The following EPHA5 variants were observed in gnomAD, a reference collection of about 807,000 sequenced individuals.
EPHA5 encodes the protein ephrin type-A receptor 5.
EPHA5 carries 60 observed loss-of-function variants against 105.0 expected under a neutral mutation model. That is an observed-to-expected ratio of 0.57 (90% CI 0.46 to 0.71). EPHA5 has a LOEUF of 0.71. Ranked by LOEUF, EPHA5 falls within the 30% of genes least tolerant of loss-of-function variation. The probability of loss-of-function intolerance (pLI) is 0.00; values close to 1 mark genes in which losing one functional copy is unlikely to be tolerated. For synonymous variants in EPHA5, 513 were observed against 449.1 expected (o/e 1.14, Z -1.80); for missense variants, 1,218 against 1,274.7 (o/e 0.96, Z 0.68).
At chr4:65,642,314 A>G (rs1747738292) in intron 2 of EPHA5, among the ~76,000 whole-genome samples, 1 of 152,082 alleles carries the variant, frequency 6.6e-6, no homozygotes. Flanking sequence ...TGAGAGAAAG[A>G]GTGTGATGGT....
chr4:65,450,026 G>T (rs922824077), intron 5 of EPHA5, among the ~76,000 whole-genome samples: 5 of 152,122 alleles, frequency 3.3e-5, no homozygotes, highest in Non-Finnish European at 7.4e-5. Context: ...TCTAACAAAT[G>T]AATACAGGTA....
At position 65,670,347 on chromosome 4, in the gene EPHA5, A is replaced by C. The variant is rs1750349934; in HGVS notation, c.-605T>G. ...TGAGTGCTGAAGAGGGGAGGGACTGACGGCTGCCGGCCGGTAGGAGCGCGG... is the reference window on the plus strand; with the variant it reads ...TGAGTGCTGAAGAGGGGAGGGACTGCCGGCTGCCGGCCGGTAGGAGCGCGG... On this transcript the variant is annotated 5_prime_UTR_variant, in exon 1 of 17. Coordinates refer to ENST00000613740, the MANE Select transcript of EPHA5 (RefSeq NM_001281766.3). 1 of 233,616 alleles carries C rather than the reference A, an allele frequency of 4.3e-6. No homozygotes were observed. The highest frequency in any genetic ancestry group is 8.4e-6 in the Non-Finnish European group (1 of 118,438). The allele number at this position is 233,616 out of a possible 1,614,324, so 14.5% of individuals were successfully genotyped here. A position where few individuals can be genotyped will look rare whatever the true frequency, so the allele number is the denominator to read the frequency against.
intron 3 of EPHA5, among the ~76,000 whole-genome samples, chr4:65,522,562 T>A (rs1734857858): frequency 6.6e-6 from 1 of 151,884 alleles, no homozygotes; most frequent in African/African-American, 2.4e-5. Flanking sequence ...CTGTGGTTAG[T>A]AGTGAGGAAC....
intron 5 of EPHA5, among the ~76,000 whole-genome samples, chr4:65,474,728 A>C (rs11934861): frequency 0.24 from 36,826 of 152,146 alleles, 5,382 homozygotes; most frequent in Middle Eastern, 0.38. Flanking sequence ...CTATTTCAGT[A>C]ATGTATCCAA....
intron 5 of EPHA5, among the ~76,000 whole-genome samples, chr4:65,434,062 T>TA (rs139370489): frequency 0.1 from 15,117 of 151,846 alleles, 974 homozygotes; most frequent in Middle Eastern, 0.23. Flanking sequence ...CTCAAAAAAA[T>TA]AAAAAAATTA....
intron 3 of EPHA5, among the ~76,000 whole-genome samples, chr4:65,547,838 G>A (rs1737531174): frequency 6.6e-6 from 1 of 151,998 alleles, no homozygotes. Context: ...AAGTGACCCT[G>A]AAAGGCTGCA....
At chr4:65,328,160 G>T (rs147026049) in intron 16 of EPHA5, among the ~76,000 whole-genome samples, 1 of 150,920 alleles carries the variant, frequency 6.6e-6, no homozygotes, top group Admixed American at 6.6e-5. Context: ...TAGTGATAAC[G>T]AATTATATTT....
chr4:65,334,577 C>A (rs1720989425), intron 15 of EPHA5, among the ~76,000 whole-genome samples: 1 of 151,850 alleles, frequency 6.6e-6, no homozygotes, highest in Non-Finnish European at 1.5e-5. Context: ...AAGGGCGAGA[C>A]AATGGACCAG....
intron 3 of EPHA5, among the ~76,000 whole-genome samples, chr4:65,568,806 C>T (rs928395496): frequency 6.6e-6 from 1 of 150,990 alleles, no homozygotes; most frequent in African/African-American, 2.4e-5. Flanking sequence ...AATCTATCTT[C>T]AACGAATTTT....
At chr4:65,481,917 T>C (rs1281385874) in intron 5 of EPHA5, among the ~76,000 whole-genome samples, 1 of 152,212 alleles carries the variant, frequency 6.6e-6, no homozygotes, top group African/African-American at 2.4e-5. Context: ...TAAATAAAGT[T>C]CAGACACTTG....
At chr4:65,627,095 C>T (rs575504216) in intron 2 of EPHA5, among the ~76,000 whole-genome samples, 1 of 152,302 alleles carries the variant, frequency 6.6e-6, no homozygotes, top group African/African-American at 2.4e-5. Context: ...AAAATTTCCA[C>T]ACATGTATAG....
chr4:65,583,273 T>C (rs1741816242), intron 3 of EPHA5, among the ~76,000 whole-genome samples: 1 of 151,540 alleles, frequency 6.6e-6, no homozygotes, highest in Non-Finnish European at 1.5e-5. Flanking sequence ...ACAAATATTA[T>C]TAAAGCTTTC....
At chr4:65,535,790 T>C (rs1736231167) in intron 3 of EPHA5, among the ~76,000 whole-genome samples, 1 of 151,944 alleles carries the variant, frequency 6.6e-6, no homozygotes, top group Non-Finnish European at 1.5e-5. Context: ...GTAGTATTGA[T>C]TTGGGAAAAA....
chr4:65,367,054 G>T (rs966612516), intron 9 of EPHA5, among the ~76,000 whole-genome samples: 1 of 151,464 alleles, frequency 6.6e-6, no homozygotes, highest in African/African-American at 2.4e-5. Context: ...CTAGGAATTA[G>T]AATATTCCAG....
chr4:65,474,436 T>C (rs2149170053), intron 5 of EPHA5, among the ~76,000 whole-genome samples: 1 of 152,288 alleles, frequency 6.6e-6, no homozygotes, highest in African/African-American at 2.4e-5. Context: ...ACCACAAGTC[T>C]AGAGGAAACT....
At chr4:65,541,587 C>T (rs1736839874) in intron 3 of EPHA5, among the ~76,000 whole-genome samples, 1 of 151,784 alleles carries the variant, frequency 6.6e-6, no homozygotes, top group Non-Finnish European at 1.5e-5. Flanking sequence ...ACAGGAGCAC[C>T]CAGATTTATA....
Position 65,323,646 on chromosome 4 carries a change from T to G in EPHA5, c.*468A>C. 4.3e-6 allele frequency: 1 copy of G among 230,478 alleles called. No individual in the cohort carries two copies. The highest frequency in any genetic ancestry group is 8.6e-6 in the Non-Finnish European group (1 of 116,296). The allele number at this position is 230,478 out of a possible 1,614,324, so 14.3% of individuals were successfully genotyped here. A position where few individuals can be genotyped will look rare whatever the true frequency, so the allele number is the denominator to read the frequency against. On this transcript the variant is annotated 3_prime_UTR_variant, in exon 17 of 17. Coordinates refer to ENST00000613740, the MANE Select transcript of EPHA5 (RefSeq NM_001281766.3). ...TTAAGAAATAATCTAATCATATTGC[T>G]CTTCAATACACTTTTGTAGACAATT...
rs916688837 is a variant in EPHA5, at chr4:65,513,507, C to T, written c.911-17964G>A. 7.2e-5 allele frequency among the ~76,000 whole-genome samples: 11 copies of T among 152,086 alleles called. 1 individual carries two copies. Among genetic ancestry groups the T allele is most frequent in the Non-Finnish European group, 2.9e-5 (2 of 68,022 alleles). On this transcript the variant is annotated intron_variant, in intron 3 of 16. Coordinates refer to ENST00000613740, the MANE Select transcript of EPHA5 (RefSeq NM_001281766.3). ...GTTCAAGCAACTCTCCTGCCTCAGC[C>T]TCCCGAGTAGCTGAGATTATAGTCA...
chr4:65,561,129 GA>G (rs1386694150), intron 3 of EPHA5, among the ~76,000 whole-genome samples: 3 of 150,634 alleles, frequency 2.0e-5, no homozygotes, highest in Non-Finnish European at 4.4e-5. Context: ...TGACATGATG[GA>G]AAAAAAATTT....
Sources: gnomAD v4.1 joint callset for allele counts (sites outside exome capture counted in the v4.1 genomes callset) on GRCh38, gnomAD v4.1.1 for gene constraint, MANE v1.5 for transcripts, NCBI Gene and HGNC (gene_info 2026-07-23, HGNC 2026-07-21) for gene names.